ANK3: variants seen among roughly 807,000 people sequenced by gnomAD.
ANK3 encodes the protein ankyrin-3.
ANK3 carries 57 observed loss-of-function variants against 370.9 expected under a neutral mutation model. The ratio of observed to expected loss-of-function variants is 0.15; its 90% CI spans 0.12 to 0.19. ANK3 has a LOEUF of 0.19. Among genes scored for constraint, ANK3 ranks in the 10% least tolerant of loss-of-function variants. The probability of loss-of-function intolerance (pLI) is 1.00; values close to 1 mark genes in which losing one functional copy is unlikely to be tolerated. For synonymous variants in ANK3, 1,929 were observed against 1,946.3 expected, an observed-to-expected ratio of 0.99 and a Z score of 0.23; for missense variants, 4,439 against 5,302.1, an observed-to-expected ratio of 0.84 and a Z score of 5.06.
intron 7 of ANK3, among the ~76,000 whole-genome samples, chr10:60,259,696 A>G (rs904213182): frequency 1.3e-5 from 2 of 152,218 alleles, no homozygotes; most frequent in Admixed American, 1.3e-4. Context: ...TTTTAGCAAC[A>G]TCAGAAAATT....
At chr10:60,726,570 T>C in intron 1 of ANK3, among the ~76,000 whole-genome samples, 1 of 152,190 alleles carries the variant, frequency 6.6e-6, no homozygotes, top group East Asian at 1.9e-4. Flanking sequence ...TTTACCAAGG[T>C]CATGCAGTTG....
At chr10:60,381,717 A>C (rs1174549982) in intron 1 of ANK3, among the ~76,000 whole-genome samples, 2 of 152,194 alleles carry the variant, frequency 1.3e-5, no homozygotes, top group African/African-American at 2.4e-5. Flanking sequence ...TTATGCAAGG[A>C]ACCTGGCAAA....
At chr10:60,386,127 C>G (rs2062257328) in intron 1 of ANK3, among the ~76,000 whole-genome samples, 1 of 152,060 alleles carries the variant, frequency 6.6e-6, no homozygotes, top group African/African-American at 2.4e-5. Flanking sequence ...GGGATATAAA[C>G]AGCTCTTCTC....
At chr10:60,196,121 C>T in intron 16 of ANK3, 24 bp downstream of exon 16, 2 of 1,603,602 alleles carry the variant, frequency 1.2e-6, no homozygotes, top group Non-Finnish European at 1.7e-6. Context: ...CATCAGTCTC[C>T]TTAGGCTGTG....
Position 60,213,403 on chromosome 10 carries a change from A to G in ANK3, c.996+9T>C. ...CAGTCCAATGTCCAGAAACCTGAAA[A>G]GAAATTACCTTGGTTTTTGAAAGAA... is the stretch of plus-strand genomic sequence containing the variant. On this transcript the variant is annotated intron_variant, in intron 9 of 43. Coordinates refer to ENST00000280772, the MANE Select transcript of ANK3 (RefSeq NM_020987.5). 1.2e-6 allele frequency: 2 copies of G among 1,604,900 alleles called. No individual in the cohort carries two copies. Among genetic ancestry groups the G allele is most frequent in the Non-Finnish European group, 1.7e-6 (2 of 1,172,836 alleles).
rs72806125 is a variant in ANK3 at position 60,382,145 on chromosome 10, C to T, written c.114+7280G>A. On this transcript the variant is annotated intron_variant, in intron 1 of 43. Coordinates refer to ENST00000280772, the MANE Select transcript of ANK3 (RefSeq NM_020987.5). ...GTACCTTCATGGTACCTTACAAATG[C>T]CTCAGTGTCTCTGACTTTCAGTACC... Among the ~76,000 whole-genome samples, 788 of 152,222 alleles carry T rather than the reference C, an allele frequency of 5.2e-3. 4 individuals are homozygous for T. Among genetic ancestry groups the T allele is most frequent in the South Asian group, 0.011 (54 of 4,816 alleles).
intron 2 of ANK3, among the ~76,000 whole-genome samples, chr10:60,536,635 A>G (rs2076731000): frequency 6.6e-6 from 1 of 152,008 alleles, no homozygotes; most frequent in South Asian, 2.1e-4. Flanking sequence ...ATACGACTTC[A>G]AGAAAAGGTG....
intron 28 of ANK3, among the ~76,000 whole-genome samples, chr10:60,099,035 A>T (rs76273294): frequency 0.024 from 3,673 of 152,252 alleles, 141 homozygotes; most frequent in African/African-American, 0.084. Flanking sequence ...TATTACTTTA[A>T]AAATCAGGGA....
chr10:60,588,761 A>G (rs544869822), intron 2 of ANK3, among the ~76,000 whole-genome samples: 2 of 151,440 alleles, frequency 1.3e-5, no homozygotes, highest in South Asian at 2.1e-4. Flanking sequence ...AAAAAAAAAC[A>G]TAGTTGGGCA....
At chr10:60,267,554 G>C (rs1337421268) in intron 5 of ANK3, among the ~76,000 whole-genome samples, 1 of 152,122 alleles carries the variant, frequency 6.6e-6, no homozygotes, top group Non-Finnish European at 1.5e-5. Flanking sequence ...TTTGCTAAAA[G>C]ACTGAAGTAG....
Position 60,693,756 on chromosome 10 carries a change from C to A in ANK3, c.57+39507G>T, listed in dbSNP as rs1564567703. On this transcript the variant is annotated intron_variant, in intron 1 of 43. Coordinates refer to the ANK3 transcript ENST00000373827. ...ACACCAAAAACCCATCTGTACATCA[C>A]CATCATCAAAGACCAAAAGTAGATA... Among the ~76,000 whole-genome samples, 5 of 152,144 alleles carry A rather than the reference C, an allele frequency of 3.3e-5. No individual in the cohort carries two copies. The South Asian group carries it at 1.0e-3, about 32-fold the overall frequency.
intron 21 of ANK3, among the ~76,000 whole-genome samples, chr10:60,169,968 G>T (rs2095738019): frequency 6.6e-6 from 1 of 152,080 alleles, no homozygotes; most frequent in Non-Finnish European, 1.5e-5. Flanking sequence ...GATGTTCCAG[G>T]CTCATCTTAT....
chr10:60,314,548 C>T (rs970118381), intron 1 of ANK3, among the ~76,000 whole-genome samples: 3 of 152,126 alleles, frequency 2.0e-5, no homozygotes, highest in Admixed American at 6.5e-5. Flanking sequence ...ATGAGTAGTA[C>T]ATGACTCATC....
At chr10:60,557,858 C>T (rs1260064322) in intron 2 of ANK3, among the ~76,000 whole-genome samples, 5 of 152,152 alleles carry the variant, frequency 3.3e-5, no homozygotes, top group Non-Finnish European at 1.5e-5. Context: ...CACTTCACTG[C>T]ATTGTTGTTA....
At chr10:60,501,032 C>A (rs1048274809) in intron 2 of ANK3, among the ~76,000 whole-genome samples, 1 of 152,074 alleles carries the variant, frequency 6.6e-6, no homozygotes, top group African/African-American at 2.4e-5. Context: ...ACCATGTCAT[C>A]AAATTGAAAC....
chr10:60,415,718 T>G (rs2063648017), intron 2 of ANK3, among the ~76,000 whole-genome samples: 1 of 152,114 alleles, frequency 6.6e-6, no homozygotes. Context: ...AGGCTGTTTG[T>G]TATAGGAGAG....
chr10:60,289,154 G>T (rs188082471), intron 1 of ANK3, among the ~76,000 whole-genome samples: 96 of 152,056 alleles, frequency 6.3e-4, no homozygotes, highest in African/African-American at 2.2e-3. Context: ...CATTCTGAAG[G>T]TATACTGACA....
intron 14 of ANK3, 37 bp downstream of exon 14, chr10:60,198,303 G>T (rs376752710): frequency 2.5e-6 from 4 of 1,603,684 alleles, no homozygotes; most frequent in African/African-American, 1.3e-5. Context: ...GATGTATTTG[G>T]GGGGACAGAG....
chr10:60,085,371 C>A, intron 30 of ANK3, 118 bp from the exon 31 acceptor site: 1 of 665,092 alleles, frequency 1.5e-6, no homozygotes, highest in Admixed American at 2.8e-5. Flanking sequence ...TCAACACCTT[C>A]AGTTTAATAG....
Sources: gnomAD v4.1 joint callset for allele counts (sites outside exome capture counted in the v4.1 genomes callset) on GRCh38, gnomAD v4.1.1 for gene constraint, MANE v1.5 for transcripts, NCBI Gene and HGNC (gene_info 2026-07-23, HGNC 2026-07-21) for gene names.